Variants in EPHA6 observed in about 807,000 individuals in gnomAD.
The protein encoded by EPHA6 is ephrin type-A receptor 6.
Under a neutral mutation model 112.0 loss-of-function variants are expected in EPHA6, and 50 were observed. The ratio of observed to expected loss-of-function variants is 0.45; its 90% CI spans 0.36 to 0.56. EPHA6 has a LOEUF of 0.56. EPHA6 is among the 20% of genes least tolerant of loss of function. EPHA6 has a pLI of 0.00. For missense variants in EPHA6, 1,280 were observed against 1,417.4 expected (o/e 0.90, Z 1.56); for synonymous variants, 529 against 490.7 (o/e 1.08, Z -1.03).
At chr3:96,934,709 T>G (rs1329608712) in intron 2 of EPHA6, among the ~76,000 whole-genome samples, 1 of 151,334 alleles carries the variant, frequency 6.6e-6, no homozygotes, top group Non-Finnish European at 1.5e-5. Context: ...TTATATAAAA[T>G]TATAAACTAA....
chr3:97,055,719 CTATAAG>C (rs1029208266), intron 3 of EPHA6, among the ~76,000 whole-genome samples: 2 of 152,232 alleles, frequency 1.3e-5, no homozygotes, highest in African/African-American at 4.8e-5. Context: ...TTTTTCAAGA[CTATAAG>C]TATATTAAAT....
chr3:97,368,450 G>T (rs2084863760), intron 5 of EPHA6, among the ~76,000 whole-genome samples: 1 of 152,026 alleles, frequency 6.6e-6, no homozygotes, highest in African/African-American at 2.4e-5. Context: ...ATAGCATTTT[G>T]TTTTCATGAA....
intron 4 of EPHA6, among the ~76,000 whole-genome samples, chr3:97,239,725 C>A (rs966315897): frequency 1.6e-4 from 25 of 151,528 alleles, no homozygotes; most frequent in African/African-American, 6.1e-4. Flanking sequence ...TCAGGGGAGG[C>A]AGAGGCAGAA....
At chr3:97,493,290 C>T (rs889332712) in intron 10 of EPHA6, among the ~76,000 whole-genome samples, 1 of 151,516 alleles carries the variant, frequency 6.6e-6, no homozygotes, top group Non-Finnish European at 1.5e-5. Flanking sequence ...GTCAGCTTCA[C>T]TGTCATAACA....
intron 2 of EPHA6, among the ~76,000 whole-genome samples, chr3:96,936,881 T>A (rs531414131): frequency 6.6e-6 from 1 of 152,208 alleles, no homozygotes. Context: ...GTCCTTGCGA[T>A]AGTTTGCTGA....
At chr3:97,547,223 T>A (rs2092964075) in intron 11 of EPHA6, among the ~76,000 whole-genome samples, 2 of 152,290 alleles carry the variant, frequency 1.3e-5, no homozygotes, top group Admixed American at 1.3e-4. Flanking sequence ...TTGATGATGG[T>A]GATGTACAGA....
chr3:96,855,067 C>T (rs1273269651), intron 1 of EPHA6, among the ~76,000 whole-genome samples: 2 of 152,086 alleles, frequency 1.3e-5, no homozygotes. Context: ...GGAGACCACC[C>T]ATGTTCCTCG....
intron 3 of EPHA6, among the ~76,000 whole-genome samples, chr3:97,207,026 G>A (rs2077731745): frequency 6.6e-6 from 1 of 152,018 alleles, no homozygotes; most frequent in African/African-American, 2.4e-5. Flanking sequence ...TGAGACAAAA[G>A]TACTAAAATT....
chr3:96,979,010 T>C (rs1015231162), intron 2 of EPHA6, among the ~76,000 whole-genome samples: 3 of 152,180 alleles, frequency 2.0e-5, no homozygotes, highest in Non-Finnish European at 1.5e-5. Flanking sequence ...TAATGCTTTT[T>C]GTTAATATGA....
intron 12 of EPHA6, among the ~76,000 whole-genome samples, chr3:97,595,357 C>T (rs1039461646): frequency 1.3e-5 from 2 of 152,034 alleles, no homozygotes; most frequent in Non-Finnish European, 2.9e-5. Context: ...GAAGAAATCA[C>T]AGAAGGCCAG....
intron 2 of EPHA6, among the ~76,000 whole-genome samples, chr3:96,955,888 T>C (rs2041737975): frequency 6.6e-6 from 1 of 152,342 alleles, no homozygotes; most frequent in African/African-American, 2.4e-5. Context: ...ATACAAACTA[T>C]GTTTTTTGTG....
At chr3:97,543,516 A>C (rs1055974188) in intron 11 of EPHA6, among the ~76,000 whole-genome samples, 5 of 152,206 alleles carry the variant, frequency 3.3e-5, no homozygotes, top group African/African-American at 1.2e-4. Context: ...TATAGTTTGA[A>C]GTCAGGTAGC....
At chr3:97,427,392 A>T (rs544727033) in intron 6 of EPHA6, among the ~76,000 whole-genome samples, 1 of 152,172 alleles carries the variant, frequency 6.6e-6, no homozygotes, top group African/African-American at 2.4e-5. Context: ...CTTTCCAGGA[A>T]CATGGTTGCA....
At chr3:97,250,525 G>A (rs1171421755) in intron 5 of EPHA6, among the ~76,000 whole-genome samples, 1 of 152,000 alleles carries the variant, frequency 6.6e-6, no homozygotes, top group Admixed American at 6.6e-5. Context: ...TTATCTGTAC[G>A]AATTAAAAAA....
intron 4 of EPHA6, among the ~76,000 whole-genome samples, chr3:97,240,383 C>A (rs1316260511): frequency 6.6e-6 from 1 of 151,784 alleles, no homozygotes; most frequent in African/African-American, 2.4e-5. Context: ...TCTTGGCAGT[C>A]ATTAAATTAA....
chr3:97,158,825 C>G (rs1178229701), intron 3 of EPHA6, among the ~76,000 whole-genome samples: 1 of 152,058 alleles, frequency 6.6e-6, no homozygotes, highest in Non-Finnish European at 1.5e-5. Context: ...GTGACTGCAC[C>G]TCTAAAGATA....
At chr3:97,173,743 A>G (rs1004669808) in intron 3 of EPHA6, among the ~76,000 whole-genome samples, 1 of 151,750 alleles carries the variant, frequency 6.6e-6, no homozygotes, top group South Asian at 2.1e-4. Flanking sequence ...GTAACAAATG[A>G]CACATTTAAG....
chr3:97,187,179 A>AG (rs2077162647), intron 3 of EPHA6, among the ~76,000 whole-genome samples: 1 of 152,136 alleles, frequency 6.6e-6, no homozygotes, highest in Admixed American at 6.5e-5. Context: ...AATTCTGTAC[A>AG]TACAGATTTA....
At chr3:97,507,536 C>G (rs1436940062) in intron 10 of EPHA6, among the ~76,000 whole-genome samples, 1 of 152,070 alleles carries the variant, frequency 6.6e-6, no homozygotes, top group Non-Finnish European at 1.5e-5. Context: ...GGTGGATAAG[C>G]TTTTTGATAT....
Sources: gnomAD v4.1 joint callset for allele counts (sites outside exome capture counted in the v4.1 genomes callset) on GRCh38, gnomAD v4.1.1 for gene constraint, MANE v1.5 for transcripts, NCBI Gene and HGNC (gene_info 2026-07-23, HGNC 2026-07-21) for gene names.